ASTN2: variants seen among roughly 807,000 people sequenced by gnomAD.
The protein encoded by ASTN2 is astrotactin 2, also known as astrotactin-2.
In ASTN2, 54 loss-of-function variants were observed where a neutral mutation model predicts 139.8. That is an observed-to-expected ratio of 0.39 (90% CI 0.31 to 0.48). The LOEUF is 0.48. ASTN2 is among the 20% of genes least tolerant of loss of function. The pLI, the probability that ASTN2 is intolerant of heterozygous loss-of-function variation, is 0.95. For synonymous variants in ASTN2, 756 were observed against 719.5 expected (o/e 1.05, Z -0.81); for missense variants, 1,565 against 1,725.1 (o/e 0.91, Z 1.64).
chr9:116,963,850 G>A (rs976531458), intron 10 of ASTN2, among the ~76,000 whole-genome samples: 6 of 152,146 alleles, frequency 3.9e-5, no homozygotes, highest in African/African-American at 1.4e-4. Context: ...GGGTGCAGTT[G>A]GGACATTTAT....
chr9:116,822,634 C>T (rs1831522163), intron 11 of ASTN2, among the ~76,000 whole-genome samples: 1 of 152,140 alleles, frequency 6.6e-6, no homozygotes, highest in Non-Finnish European at 1.5e-5. Context: ...CCTTCCCATC[C>T]CCCAATGATT....
At chr9:116,844,142 T>C (rs959401182) in intron 11 of ASTN2, among the ~76,000 whole-genome samples, 4 of 152,174 alleles carry the variant, frequency 2.6e-5, no homozygotes, top group African/African-American at 9.7e-5. Context: ...GACTCAATAA[T>C]AAATAACCGC....
chr9:116,982,824 G>A (rs1053127772), intron 7 of ASTN2, among the ~76,000 whole-genome samples: 6 of 152,128 alleles, frequency 3.9e-5, no homozygotes, highest in Non-Finnish European at 8.8e-5. Flanking sequence ...GATAATCCCC[G>A]AAGCTGTTCC....
intron 16 of ASTN2, among the ~76,000 whole-genome samples, chr9:116,717,002 G>A (rs777165208): frequency 2.0e-5 from 3 of 152,166 alleles, no homozygotes; most frequent in Admixed American, 6.5e-5. Flanking sequence ...CACCAACTCC[G>A]TGATTAATCA....
intron 3 of ASTN2, among the ~76,000 whole-genome samples, chr9:117,162,293 G>C (rs1045659987): frequency 6.6e-6 from 1 of 152,036 alleles, no homozygotes; most frequent in Non-Finnish European, 1.5e-5. Context: ...CAAGTGTAGA[G>C]AGAAGGGTTC....
chr9:117,398,522 C>T (rs1259057598), intron 1 of ASTN2, among the ~76,000 whole-genome samples: 5 of 152,108 alleles, frequency 3.3e-5, no homozygotes, highest in Non-Finnish European at 5.9e-5. Flanking sequence ...GAAACCAGTG[C>T]CCTAATGAAA....
At chr9:116,810,842 G>A (rs937422653) in intron 12 of ASTN2, among the ~76,000 whole-genome samples, 2 of 152,024 alleles carry the variant, frequency 1.3e-5, no homozygotes, top group African/African-American at 4.8e-5. Flanking sequence ...CTTTTCAGTT[G>A]TAGATATTTA....
chr9:117,049,141 T>C (rs1828048925), intron 5 of ASTN2, among the ~76,000 whole-genome samples: 2 of 151,960 alleles, frequency 1.3e-5, no homozygotes, highest in Admixed American at 1.3e-4. Context: ...TTAATTTTTA[T>C]ATTTTTAGTA....
intron 2 of ASTN2, among the ~76,000 whole-genome samples, chr9:117,222,268 C>A (rs780580007): frequency 6.6e-6 from 1 of 152,172 alleles, no homozygotes; most frequent in African/African-American, 2.4e-5. Context: ...TTGTCTCGAA[C>A]GTATGCTTTT....
chr9:116,921,566 C>T (rs1008870927), intron 10 of ASTN2, among the ~76,000 whole-genome samples: 5 of 125,396 alleles, frequency 4.0e-5, no homozygotes, highest in Non-Finnish European at 6.1e-5. Flanking sequence ...CCAGCCTGGG[C>T]GACCGAGCGA....
intron 1 of ASTN2, among the ~76,000 whole-genome samples, chr9:117,336,915 C>T (rs998715337): frequency 2.6e-5 from 4 of 152,156 alleles, no homozygotes; most frequent in African/African-American, 9.7e-5. Flanking sequence ...AAATATAAAA[C>T]ACCACAAGAT....
intron 20 of ASTN2, among the ~76,000 whole-genome samples, chr9:116,482,058 G>A (rs956170075): frequency 6.6e-6 from 1 of 152,200 alleles, no homozygotes; most frequent in African/African-American, 2.4e-5. Flanking sequence ...CGGGCACAGT[G>A]GCTCACGCCT....
intron 16 of ASTN2, among the ~76,000 whole-genome samples, chr9:116,703,233 T>C (rs1827894282): frequency 6.6e-6 from 1 of 151,706 alleles, no homozygotes. Context: ...TGGCCAGTGA[T>C]GATGAGCATT....
At chr9:117,162,737 T>C (rs1420190868) in intron 3 of ASTN2, among the ~76,000 whole-genome samples, 2 of 152,210 alleles carry the variant, frequency 1.3e-5, no homozygotes, top group Non-Finnish European at 2.9e-5. Context: ...AAATCATTCA[T>C]TACATTGTAA....
intron 2 of ASTN2, among the ~76,000 whole-genome samples, chr9:117,262,397 T>TTTCA (rs1554713361): frequency 8.1e-6 from 1 of 123,514 alleles, no homozygotes; most frequent in Non-Finnish European, 1.9e-5. Flanking sequence ...CTGTTTCTTT[T>TTTCA]TTTATTTATT....
intron 5 of ASTN2, among the ~76,000 whole-genome samples, chr9:117,077,337 G>A (rs746867630): frequency 6.6e-6 from 1 of 152,176 alleles, no homozygotes; most frequent in Non-Finnish European, 1.5e-5. Flanking sequence ...ATATTTTAGG[G>A]TTCTTATCTG....
intron 7 of ASTN2, among the ~76,000 whole-genome samples, chr9:116,986,972 G>C (rs1410571655): frequency 6.6e-6 from 1 of 152,208 alleles, no homozygotes; most frequent in Non-Finnish European, 1.5e-5. Context: ...AATGTGCACT[G>C]AGGAATCCTG....
chr9:117,217,651 C>A (rs1588093933), intron 2 of ASTN2, among the ~76,000 whole-genome samples: 1 of 152,170 alleles, frequency 6.6e-6, no homozygotes, highest in African/African-American at 2.4e-5. Flanking sequence ...TAAACAAGGA[C>A]AAGAGTCATA....
chr9:116,732,986 G>A (rs1014724987), intron 14 of ASTN2, among the ~76,000 whole-genome samples: 1 of 152,200 alleles, frequency 6.6e-6, no homozygotes. Flanking sequence ...AGTAGGAGGG[G>A]CTCCTGATTG....
Sources: gnomAD v4.1 joint callset for allele counts (sites outside exome capture counted in the v4.1 genomes callset) on GRCh38, gnomAD v4.1.1 for gene constraint, MANE v1.5 for transcripts, NCBI Gene and HGNC (gene_info 2026-07-23, HGNC 2026-07-21) for gene names.